Variants in NR1H4 observed in about 807,000 individuals in gnomAD.
The protein encoded by NR1H4 is nuclear receptor subfamily 1 group H member 4.
A neutral mutation model predicts 58.5 loss-of-function variants in NR1H4; 23 were observed. That is an observed-to-expected ratio of 0.39 (90% CI 0.28 to 0.56). The LOEUF is 0.56. NR1H4 is among the 20% of genes least tolerant of loss of function. The probability of loss-of-function intolerance (pLI) is 0.58; values close to 1 mark genes in which losing one functional copy is unlikely to be tolerated. For missense variants in NR1H4, 487 were observed against 576.9 expected (o/e 0.84, Z 1.60); for synonymous variants, 214 against 198.0 (o/e 1.08, Z -0.68).
intron 4 of NR1H4, among the ~76,000 whole-genome samples, chr12:100,515,253 C>T (rs968256212): frequency 4.6e-5 from 7 of 150,832 alleles, no homozygotes; most frequent in Admixed American, 1.3e-4. Context: ...TCACTGCAAC[C>T]TCTGCCTCCT....
At chr12:100,521,511 T>C (rs1954418019) in intron 4 of NR1H4, among the ~76,000 whole-genome samples, 1 of 152,204 alleles carries the variant, frequency 6.6e-6, no homozygotes, top group Non-Finnish European at 1.5e-5. Context: ...CATTTCCAAA[T>C]AGGTCAGTGT....
At position 100,540,793 on chromosome 12, in the gene NR1H4, A is replaced by G. The variant is rs1954917148; in HGVS notation, c.1053A>G (p.Leu351=). The change falls in exon 9 of 11, where the codon CTA becomes CTG. Residue 351 remains leucine, a synonymous_variant. Coordinates refer to ENST00000392986, the MANE Select transcript of NR1H4 (RefSeq NM_001206979.2). The part of the protein sequence containing the change: ...NKKLPSGHSD[L]LEERIRNSGI... ...AACTTCCGTCTGGGCATTCTGACCT[A>G]TTGGAAGAAAGAATTCGAAATAGTG... is the stretch of plus-strand genomic sequence containing the variant. 5 of 1,614,176 alleles carry G rather than the reference A, an allele frequency of 3.1e-6. No homozygotes were observed. The highest frequency in any genetic ancestry group is 1.3e-5 in the African/African-American group (1 of 75,062).
At chr12:100,522,746 A>G (rs1954459258) in intron 4 of NR1H4, among the ~76,000 whole-genome samples, 3 of 151,794 alleles carry the variant, frequency 2.0e-5, no homozygotes, top group Admixed American at 1.3e-4. Flanking sequence ...TCTATTATAC[A>G]CTCTGTATAC....
At position 100,532,558 on chromosome 12, in the gene NR1H4, T is replaced by G; in HGVS notation, c.546T>G (p.Cys182Trp). The G allele has an allele frequency of 6.2e-7, 1 of 1,614,136 alleles. No individual in the cohort carries two copies. Among genetic ancestry groups the G allele is most frequent in the Non-Finnish European group, 8.5e-7 (1 of 1,180,002 alleles). ...ACATGCGAAGAAAGTGTCAAGAGTG[T>G]CGACTAAGGAAATGCAAAGAGATGG... Reference protein sequence around the residue: ...DMYMRRKCQECRLRKCKEMGM... With the variant: ...DMYMRRKCQEWRLRKCKEMGM... The change falls in exon 5 of 11, where the codon TGT (cysteine) becomes TGG (tryptophan). Residue 182 changes from cysteine to tryptophan, a missense_variant. Physicochemically the swap from Cys to Trp is radical, Grantham distance 215 (BLOSUM62 -2). Transcript: ENST00000392986.
intron 9 of NR1H4, among the ~76,000 whole-genome samples, chr12:100,556,827 T>C (rs1304492940): frequency 6.6e-6 from 1 of 152,190 alleles, no homozygotes; most frequent in African/African-American, 2.4e-5. Context: ...CACAGGATTG[T>C]TGTACAGAAT....
chr12:100,555,158 T>C (rs1407019299), intron 9 of NR1H4, among the ~76,000 whole-genome samples: 1 of 152,186 alleles, frequency 6.6e-6, no homozygotes, highest in Non-Finnish European at 1.5e-5. Flanking sequence ...AATTTGGTAA[T>C]CAAAGAAATT....
At chr12:100,502,993 T>G (rs1419513805) in intron 3 of NR1H4, among the ~76,000 whole-genome samples, 1 of 152,192 alleles carries the variant, frequency 6.6e-6, no homozygotes, top group African/African-American at 2.4e-5. Context: ...AGATGAGATT[T>G]GGGTTGGGAC....
chr12:100,490,035 T>C (rs1403824670), intron 1 of NR1H4, among the ~76,000 whole-genome samples: 1 of 152,220 alleles, frequency 6.6e-6, no homozygotes, highest in African/African-American at 2.4e-5. Context: ...GAGCAAGTGA[T>C]AAATTATGTC....
intron 1 of NR1H4, among the ~76,000 whole-genome samples, chr12:100,487,595 C>CTTCT (rs1555330922): frequency 5.2e-5 from 6 of 115,984 alleles, no homozygotes; most frequent in African/African-American, 1.9e-4. Context: ...TCTTCTTCTT[C>CTTCT]TTTTTTTTTT....
intron 10 of NR1H4, 51 bp downstream of exon 10, chr12:100,562,049 A>G (rs775771833): frequency 1.1e-6 from 1 of 871,734 alleles, no homozygotes; most frequent in Non-Finnish European, 1.9e-6. Context: ...TCAGTATACT[A>G]GTAATAACGT....
chr12:100,484,345 G>A (rs1953445313), intron 1 of NR1H4, among the ~76,000 whole-genome samples: 1 of 152,230 alleles, frequency 6.6e-6, no homozygotes, highest in East Asian at 1.9e-4. Flanking sequence ...AGTCAGAGGA[G>A]CTCCATACGC....
intron 4 of NR1H4, among the ~76,000 whole-genome samples, chr12:100,529,194 C>G (rs1954633229): frequency 6.6e-6 from 1 of 152,170 alleles, no homozygotes; most frequent in Non-Finnish European, 1.5e-5. Flanking sequence ...CCATGACTTT[C>G]TTAACCTTGA....
At chr12:100,521,619 C>G (rs1954420925) in intron 4 of NR1H4, among the ~76,000 whole-genome samples, 1 of 151,830 alleles carries the variant, frequency 6.6e-6, no homozygotes, top group African/African-American at 2.4e-5. Context: ...ACCCTACTGC[C>G]TTTCTGAATA....
In NR1H4 at chr12:100,550,764, A is replaced by G. The variant is rs117787744; in HGVS notation, c.1078+9946A>G. On this transcript the variant is annotated intron_variant, in intron 9 of 10. Coordinates refer to ENST00000392986, the MANE Select transcript of NR1H4 (RefSeq NM_001206979.2). ...CAAATATAAATAATCCCTGACATTT[A>G]TAGTAGTTTTGGGCCTTTTTCCATC... 5.2e-4 allele frequency among the ~76,000 whole-genome samples: 79 copies of G among 152,360 alleles called. 2 individuals are homozygous for G. In the East Asian group the frequency reaches 9.4e-3, roughly 18 times the overall value.
In NR1H4 at chr12:100,540,716, G is replaced by T; in HGVS notation, c.976G>T (p.Gly326Trp). Residue 326 changes from glycine (G) to tryptophan (W), a missense_variant, in exon 9 of 11, where the codon GGG becomes TGG. Transcript: ENST00000392986. The part of the protein sequence containing the change: ...DHEDQIALLK[G>W]SAVEAMFLRS... ...TGAAGACCAGATTGCTTTGCTGAAA[G>T]GGTCTGCGGTTGAAGCTATGTTCCT... 1 of 1,614,174 alleles carries T rather than the reference G, an allele frequency of 6.2e-7. No individual in the cohort carries two copies. Among genetic ancestry groups the T allele is most frequent in the Non-Finnish European group, 8.5e-7 (1 of 1,180,012 alleles).
At chr12:100,496,091 A>G (rs1953709378) in intron 3 of NR1H4, among the ~76,000 whole-genome samples, 1 of 152,358 alleles carries the variant, frequency 6.6e-6, no homozygotes, top group South Asian at 2.1e-4. Flanking sequence ...GGAATAGTCT[A>G]TGGATAGCTG....
intron 1 of NR1H4, among the ~76,000 whole-genome samples, chr12:100,478,322 G>T (rs1190294258): frequency 6.6e-6 from 1 of 152,118 alleles, no homozygotes; most frequent in African/African-American, 2.4e-5. Flanking sequence ...CTAGAGAGAG[G>T]TTTATAATTT....
At chr12:100,501,257 G>T (rs549194996) in intron 3 of NR1H4, among the ~76,000 whole-genome samples, 14 of 152,110 alleles carry the variant, frequency 9.2e-5, no homozygotes, top group African/African-American at 3.4e-4. Context: ...TATCCTTTGG[G>T]TAGCTTTTTC....
chr12:100,507,305 A>G (rs987572441), intron 3 of NR1H4, among the ~76,000 whole-genome samples: 2 of 152,170 alleles, frequency 1.3e-5, no homozygotes, highest in Non-Finnish European at 1.5e-5. Flanking sequence ...GTGATGAAAT[A>G]GATCAGGATT....
Sources: gnomAD v4.1 joint callset for allele counts (sites outside exome capture counted in the v4.1 genomes callset) on GRCh38, gnomAD v4.1.1 for gene constraint, MANE v1.5 for transcripts, NCBI Gene and HGNC (gene_info 2026-07-23, HGNC 2026-07-21) for gene names.